ZNF730: variants seen among roughly 807,000 people sequenced by gnomAD.
ZNF730 encodes zinc finger protein 730.
In ZNF730, 12 loss-of-function variants were observed where a neutral mutation model predicts 12.6. The observed-to-expected ratio is 0.95, with a 90% confidence interval of 0.61 to 1.54. The LOEUF is 1.54. Ranked by LOEUF, ZNF730 falls within the 40% of genes most tolerant of loss-of-function variation. The pLI is 0.00. For synonymous variants in ZNF730, 194 were observed against 195.8 expected (o/e 0.99, Z 0.08); for missense variants, 643 against 583.5 (o/e 1.10, Z -1.05).
rs1346118357 is a variant in ZNF730, at chr19:23,117,157, C to T, written c.-17C>T. On this transcript the variant is annotated 5_prime_UTR_variant, in exon 1 of 4. Transcript: ENST00000597761. Reference sequence around the variant, plus strand: ...AGATCCACAGCTAAGACGCCAGGGCCCCCTGGAAGCCTAGAAATGGTGAGA... The same window carrying T: ...AGATCCACAGCTAAGACGCCAGGGCTCCCTGGAAGCCTAGAAATGGTGAGA... 10 of 1,613,914 alleles carry T rather than the reference C, an allele frequency of 6.2e-6. No individual in the cohort carries two copies. Among genetic ancestry groups the T allele is most frequent in the Non-Finnish European group, 6.8e-6 (8 of 1,179,842 alleles).
chr19:23,143,711 C>T (rs758086596), intron 3 of ZNF730: 2 of 152,154 alleles, frequency 1.3e-5, no homozygotes, highest in South Asian at 2.1e-4. Flanking sequence ...GTGTTACTCT[C>T]ACTTGAAAGC....
chr19:23,115,643 T>G (rs1413560589), upstream of ZNF730, among the ~76,000 whole-genome samples: 1 of 151,910 alleles, frequency 6.6e-6, no homozygotes, highest in Non-Finnish European at 1.5e-5. Flanking sequence ...ACATGGTGGG[T>G]GGGGAAGAGA....
intron 1 of ZNF730, among the ~76,000 whole-genome samples, chr19:23,089,658 C>T (rs942079313): frequency 3.3e-5 from 5 of 152,182 alleles, no homozygotes; most frequent in Non-Finnish European, 7.3e-5. Context: ...GATGCCTCCC[C>T]AGCCATGTGG....
chr19:23,085,835 TC>T (rs1229100654), intron 1 of ZNF730, among the ~76,000 whole-genome samples: 8 of 125,496 alleles, frequency 6.4e-5, no homozygotes, highest in African/African-American at 9.9e-5. Flanking sequence ...AATTTTTTTT[TC>T]TTTTTTTTTT....
chr19:23,126,735 T>A (rs1970675354), intron 1 of ZNF730: 1 of 472,864 alleles, frequency 2.1e-6, no homozygotes, highest in South Asian at 1.6e-5. Context: ...AGACTGAGAT[T>A]TTTTTTTTTC....
chr19:23,142,560 C>T (rs1043759897), intron 3 of ZNF730, among the ~76,000 whole-genome samples: 2 of 151,354 alleles, frequency 1.3e-5, no homozygotes, highest in African/African-American at 2.4e-5. Context: ...TGGTGGCGGG[C>T]GCCTGTAGTC....
intron 1 of ZNF730, chr19:23,128,210 C>A: frequency 1.3e-6 from 1 of 769,006 alleles, no homozygotes; most frequent in South Asian, 1.4e-5. Flanking sequence ...AAACAGTTCC[C>A]TGGTTATGAT....
chr19:23,139,112 G>A (rs1415397422), intron 3 of ZNF730, among the ~76,000 whole-genome samples: 2 of 152,032 alleles, frequency 1.3e-5, no homozygotes, highest in South Asian at 2.1e-4. Context: ...AAATAGACAG[G>A]CAAAATGGAA....
chr19:23,135,539 C>G (rs144595508), intron 2 of ZNF730, among the ~76,000 whole-genome samples: 1 of 151,728 alleles, frequency 6.6e-6, no homozygotes, highest in Non-Finnish European at 1.5e-5. Flanking sequence ...GAGACAGAGT[C>G]TCATTCTGTC....
At chr19:23,091,703 T>C (rs1970162547) in intron 1 of ZNF730, among the ~76,000 whole-genome samples, 1 of 152,196 alleles carries the variant, frequency 6.6e-6, no homozygotes, top group Admixed American at 6.5e-5. Flanking sequence ...TTTTGTCCAA[T>C]TTATCTCATT....
intron 1 of ZNF730, among the ~76,000 whole-genome samples, chr19:23,102,676 C>T (rs539523034): frequency 1.3e-5 from 2 of 151,610 alleles, no homozygotes; most frequent in African/African-American, 2.4e-5. Context: ...TTGTATTTTC[C>T]GTAGAGACAT....
intron 1 of ZNF730, among the ~76,000 whole-genome samples, chr19:23,107,907 A>G (rs542322122): frequency 1.3e-5 from 2 of 152,172 alleles, no homozygotes; most frequent in African/African-American, 4.8e-5. Context: ...TTATTTTAAG[A>G]GAATGCAATT....
intron 1 of ZNF730, among the ~76,000 whole-genome samples, chr19:23,118,337 A>T (rs755109266): frequency 3.3e-5 from 5 of 150,720 alleles, no homozygotes; most frequent in Non-Finnish European, 7.4e-5. Context: ...AGATCTTGTG[A>T]AAGTGTTTTG....
chr19:23,093,533 C>G (rs1158931269), intron 1 of ZNF730, among the ~76,000 whole-genome samples: 1 of 152,174 alleles, frequency 6.6e-6, no homozygotes, highest in Admixed American at 6.5e-5. Context: ...CTGCTTCCCC[C>G]CCTCATTCTT....
At chr19:23,126,945 G>A (rs1970678689) in intron 1 of ZNF730, 1 of 517,436 alleles carries the variant, frequency 1.9e-6, no homozygotes, top group Admixed American at 2.2e-5. Context: ...CTCATCAGCA[G>A]ACACTCATGC....
In ZNF730 at chr19:23,136,428, G is replaced by A. The variant is rs570789051; in HGVS notation, c.226+385G>A. Among the ~76,000 whole-genome samples, 11 of 151,766 alleles carry A rather than the reference G, an allele frequency of 7.2e-5. No individual in the cohort carries two copies. In the South Asian group the frequency reaches 1.3e-3, roughly 17 times the overall value. ...TTTATTTATTTATTTTTTTTGAGAC[G>A]GAGTCTTGCACTATCACCAGGGCTG... On this transcript the variant is annotated intron_variant, in intron 3 of 3. Transcript: ENST00000597761.
At chr19:23,107,262 C>G (rs951650411) in intron 1 of ZNF730, among the ~76,000 whole-genome samples, 3 of 151,022 alleles carry the variant, frequency 2.0e-5, no homozygotes, top group African/African-American at 7.3e-5. Context: ...GGGGTTTCAC[C>G]ATGTTGGCCA....
At chr19:23,144,535 C>T (rs1490793391) in intron 3 of ZNF730, among the ~76,000 whole-genome samples, 1 of 151,738 alleles carries the variant, frequency 6.6e-6, no homozygotes, top group Non-Finnish European at 1.5e-5. Context: ...CCCATCTCTA[C>T]TAAAAATACA....
chr19:23,139,275 T>A (rs1415958129), intron 3 of ZNF730, among the ~76,000 whole-genome samples: 1 of 152,214 alleles, frequency 6.6e-6, no homozygotes, highest in African/African-American at 2.4e-5. Flanking sequence ...TATTCTTTGC[T>A]TCTAAGCTTG....
Sources: allele counts gnomAD v4.1 joint callset (sites outside exome capture counted in the v4.1 genomes callset), GRCh38; gene constraint gnomAD v4.1.1; transcripts MANE v1.5; gene names NCBI Gene and HGNC (gene_info 2026-07-23, HGNC 2026-07-21).